The following MEOX2 variants were observed in gnomAD, a reference collection of about 807,000 sequenced individuals.
The protein encoded by MEOX2 is mesenchyme homeobox 2, also known as homeobox protein MOX-2.
In MEOX2, 11 loss-of-function variants were observed where a neutral mutation model predicts 27.0. That is an observed-to-expected ratio of 0.41 (90% CI 0.26 to 0.68). MEOX2 has a LOEUF of 0.68. Among genes scored for constraint, MEOX2 ranks in the 30% least tolerant of loss-of-function variants. The pLI, the probability that MEOX2 is intolerant of heterozygous loss-of-function variation, is 0.33. For missense variants in MEOX2, 436 were observed against 385.4 expected, an observed-to-expected ratio of 1.13 and a Z score of -1.10; for synonymous variants, 189 against 155.4, an observed-to-expected ratio of 1.22 and a Z score of -1.61.
chr7:15,638,034 C>T (rs1781510977), intron 1 of MEOX2, among the ~76,000 whole-genome samples: 2 of 152,156 alleles, frequency 1.3e-5, no homozygotes, highest in Non-Finnish European at 1.5e-5. Flanking sequence ...TCATTTGAAT[C>T]ATTTAACTTT....
chr7:15,626,343 C>T (rs1256803775), intron 2 of MEOX2, among the ~76,000 whole-genome samples: 3 of 152,012 alleles, frequency 2.0e-5, no homozygotes, highest in Non-Finnish European at 4.4e-5. Context: ...GAATGTGTTA[C>T]TGCAACTTAT....
chr7:15,671,384 T>A (rs957208525), intron 1 of MEOX2, among the ~76,000 whole-genome samples: 6 of 152,206 alleles, frequency 3.9e-5, no homozygotes, highest in Non-Finnish European at 8.8e-5. Flanking sequence ...TTTAACAGAT[T>A]TTTTTAAACC....
chr7:15,670,584 A>G (rs1471211418), intron 1 of MEOX2, among the ~76,000 whole-genome samples: 2 of 152,214 alleles, frequency 1.3e-5, no homozygotes, highest in Admixed American at 1.3e-4. Context: ...ACATATATCT[A>G]TTGAGTACTT....
chr7:15,611,941 A>G lies in MEOX2; in HGVS notation c.*446T>C, dbSNP rs1326691512. 2 of 165,968 alleles carry G rather than the reference A, an allele frequency of 1.2e-5. No individual in the cohort carries two copies. The highest frequency in any genetic ancestry group is 4.8e-5 in the African/African-American group (2 of 41,786). 10.3% of individuals were successfully genotyped at this position (165,968 alleles called of 1,614,324 possible). A position where few individuals can be genotyped will look rare whatever the true frequency, so the allele number is the denominator to read the frequency against. On this transcript the variant is annotated 3_prime_UTR_variant, in exon 3 of 3. Transcript: ENST00000262041. ...CATGGTTTATTCTTGATAGCAATTT[A>G]ATTTTCAGTGCAAGCAAAAGCAAAT... is the stretch of plus-strand genomic sequence containing the variant.
chr7:15,630,217 G>T (rs993297110), intron 1 of MEOX2, among the ~76,000 whole-genome samples: 1 of 152,028 alleles, frequency 6.6e-6, no homozygotes, highest in Non-Finnish European at 1.5e-5. Flanking sequence ...CTAACCTTTT[G>T]CTCCCTGGGA....
In MEOX2 at chr7:15,626,773, T is replaced by C. The variant is rs1450664318; in HGVS notation, c.663A>G (p.Ala221=). 6.2e-7 allele frequency: 1 copy of C among 1,609,674 alleles called. No homozygotes were observed. Residue 221 remains alanine, a synonymous_variant, in exon 2 of 3, where the codon GCA becomes GCG. Transcript: ENST00000262041. The stretch of plus-strand genomic sequence containing the variant: ...GTCTTTCAGTGAGATCCAGATTCAC[T>C]GCTATCTCGTATCGCCTCAGTCTGG... ...YLTRLRRYEI[A]VNLDLTERQV...
In MEOX2 at chr7:15,612,023, A is replaced by G. The variant is rs916995767; in HGVS notation, c.*364T>C. On this transcript the variant is annotated 3_prime_UTR_variant, in exon 3 of 3. Coordinates refer to ENST00000262041, the MANE Select transcript of MEOX2 (RefSeq NM_005924.5). The stretch of plus-strand genomic sequence containing the variant: ...CATCTGGAATGTTCAATGCAAGTTC[A>G]TCCTCGGCATCTTCACTCTGGAGAC... 5.1e-5 allele frequency: 13 copies of G among 253,776 alleles called. No individual in the cohort carries two copies. The highest frequency in any genetic ancestry group is 3.4e-4 in the East Asian group (4 of 11,632). The allele number at this position is 253,776 out of a possible 1,614,324, so 15.7% of individuals were successfully genotyped here. A position where few individuals can be genotyped will look rare whatever the true frequency, so the allele number is the denominator to read the frequency against.
intron 1 of MEOX2, among the ~76,000 whole-genome samples, chr7:15,682,276 C>G (rs62439055): frequency 0.048 from 7,221 of 151,732 alleles, 253 homozygotes; most frequent in Non-Finnish European, 0.079. Context: ...TAATTTATTC[C>G]TTTCAGAAAA....
chr7:15,626,658 C>A, intron 2 of MEOX2, 88 bp downstream of exon 2: 1 of 932,492 alleles, frequency 1.1e-6, no homozygotes. Context: ...TTCAAGAATT[C>A]TGGATCTAGG....
intron 1 of MEOX2, among the ~76,000 whole-genome samples, chr7:15,639,235 T>C (rs1781526400): frequency 6.6e-6 from 1 of 152,190 alleles, no homozygotes; most frequent in Admixed American, 6.5e-5. Context: ...TTTGTGATGT[T>C]GAGCATGTTT....
At chr7:15,626,495 C>G (rs565667370) in intron 2 of MEOX2, among the ~76,000 whole-genome samples, 2 of 151,902 alleles carry the variant, frequency 1.3e-5, no homozygotes, top group African/African-American at 4.8e-5. Context: ...TATTTTAAAA[C>G]CCAAAAATAC....
chr7:15,650,109 CTGGGAAATTCCACT>C (rs1194299466), intron 1 of MEOX2, among the ~76,000 whole-genome samples: 1 of 152,056 alleles, frequency 6.6e-6, no homozygotes, highest in Non-Finnish European at 1.5e-5. Flanking sequence ...TAATTGCCTA[CTGGGAAATTCCACT>C]TGGATGTTTG....
rs1781183460 is a variant in MEOX2, at chr7:15,619,560, C to G, written c.691-6949G>C. Among the ~76,000 whole-genome samples, 4 of 151,824 alleles carry G rather than the reference C, an allele frequency of 2.6e-5. No homozygotes were observed. In the South Asian group the frequency reaches 8.3e-4, roughly 31 times the overall value. ...TCAGAGGAGCAAATTTCAGTAAAAT[C>G]TCTAAAATAAAGGCTCATTTTATTT... On this transcript the variant is annotated intron_variant, in intron 2 of 2. Coordinates refer to ENST00000262041, the MANE Select transcript of MEOX2 (RefSeq NM_005924.5).
At chr7:15,612,697 G>T (rs1332257860) in intron 2 of MEOX2, 86 bp from the exon 3 acceptor site, 10 of 1,121,556 alleles carry the variant, frequency 8.9e-6, no homozygotes, top group South Asian at 6.7e-5. Context: ...TCAATGAAAA[G>T]AAGTTCCTCA....
intron 2 of MEOX2, among the ~76,000 whole-genome samples, chr7:15,615,439 G>C (rs909291207): frequency 7.6e-6 from 1 of 131,682 alleles, no homozygotes; most frequent in Non-Finnish European, 1.7e-5. Flanking sequence ...TAAAAAAAAA[G>C]CATATAGAGT....
intron 2 of MEOX2, among the ~76,000 whole-genome samples, chr7:15,620,458 C>T (rs925845034): frequency 6.6e-6 from 1 of 151,962 alleles, no homozygotes; most frequent in African/African-American, 2.4e-5. Flanking sequence ...GTCCCAACTA[C>T]TCTACTCGGG....
chr7:15,648,755 C>A (rs902491191), intron 1 of MEOX2, among the ~76,000 whole-genome samples: 3 of 151,978 alleles, frequency 2.0e-5, no homozygotes, highest in Non-Finnish European at 2.9e-5. Context: ...GCATCAATAA[C>A]CTAGCGCTTC....
At chr7:15,657,989 C>T (rs546336204) in intron 1 of MEOX2, among the ~76,000 whole-genome samples, 1 of 152,280 alleles carries the variant, frequency 6.6e-6, no homozygotes, top group South Asian at 2.1e-4. Context: ...CTGATTACTG[C>T]CAGCTGGAGG....
intron 1 of MEOX2, among the ~76,000 whole-genome samples, chr7:15,674,572 G>GTC (rs1782162342): frequency 6.6e-6 from 1 of 151,994 alleles, no homozygotes; most frequent in Admixed American, 6.6e-5. Context: ...GTGTGTGTGT[G>GTC]TGTGTGTGTG....
Sources: allele counts gnomAD v4.1 joint callset (sites outside exome capture counted in the v4.1 genomes callset), GRCh38; gene constraint gnomAD v4.1.1; transcripts MANE v1.5; gene names NCBI Gene and HGNC (gene_info 2026-07-23, HGNC 2026-07-21).